The following ZMYM6 variants were observed in gnomAD, a reference collection of about 807,000 sequenced individuals.
The protein encoded by ZMYM6 is zinc finger MYM-type protein 6.
Under a neutral mutation model 134.0 loss-of-function variants are expected in ZMYM6, and 90 were observed. That is an observed-to-expected ratio of 0.67 (90% CI 0.57 to 0.80). The LOEUF (loss-of-function observed/expected upper bound fraction) is 0.80, where lower values mean the gene tolerates loss of function less well. Ranked by LOEUF, ZMYM6 falls within the 30% of genes least tolerant of loss-of-function variation. ZMYM6 has a pLI of 0.00. For synonymous variants in ZMYM6, 481 were observed against 524.1 expected, an observed-to-expected ratio of 0.92 and a Z score of 1.12; for missense variants, 1,362 against 1,533.9, an observed-to-expected ratio of 0.89 and a Z score of 1.87.
chr1:34,987,792 T>A lies in ZMYM6; in HGVS notation c.3290A>T (p.His1097Leu). Residue 1097 changes from histidine to leucine, a missense_variant, in exon 16 of 16, where the codon CAT becomes CTT. Around this residue, in one of 3 missense-constraint regions of ZMYM6, gnomAD observed 824 missense variants for 940.9 expected, o/e 0.88. Coordinates refer to ENST00000357182, the MANE Select transcript of ZMYM6 (RefSeq NM_007167.4). Reference protein sequence around the residue: ...HEIEIFLSQKHSDLAKYFHDE... With the variant: ...HEIEIFLSQKLSDLAKYFHDE... ...ATGAAAATACTTGGCCAAATCTGAA[T>A]GCTTTTGACTTAAAAATATTTCAAT... 6.4e-7 allele frequency: 1 copy of A among 1,551,406 alleles called. No individual in the cohort carries two copies.
chr1:34,996,552 A>G (rs968373927), intron 14 of ZMYM6, among the ~76,000 whole-genome samples: 5 of 152,200 alleles, frequency 3.3e-5, no homozygotes, highest in African/African-American at 1.2e-4. Context: ...GGGATAGTCT[A>G]TACATATATA....
rs2148440127 is a variant in ZMYM6 at position 34,987,755 on chromosome 1, C to A, written c.3327G>T (p.Trp1109Cys). ...CTGATAAGTAGGCCAGCTTTCCAAC[C>A]CATTCCTCATCATGAAAATACTTGG... ...DLAKYFHDEE[W>C]VGKLAYLSDI... The change falls in exon 16 of 16, where the codon TGG becomes TGT. Residue 1109 changes from tryptophan (W) to cysteine (C), a missense_variant. Trp to Cys is a radical substitution (Grantham distance 215, BLOSUM62 -2). Around this residue, in one of 3 missense-constraint regions of ZMYM6, gnomAD observed 824 missense variants for 940.9 expected, o/e 0.88. Transcript: ENST00000357182. 6.4e-7 allele frequency: 1 copy of A among 1,551,438 alleles called. No homozygotes were observed. The highest frequency in any genetic ancestry group is 2.4e-5 in the East Asian group (1 of 40,906).
Position 35,021,118 on chromosome 1 carries a change from A to T in ZMYM6, c.94-651T>A, listed in dbSNP as rs111701718. Among the ~76,000 whole-genome samples the T allele has an allele frequency of 8.5e-3, 1,179 of 139,324 alleles. 15 individuals carry two copies. Among genetic ancestry groups the T allele is most frequent in the African/African-American group, 0.029 (1,058 of 37,056 alleles). The allele number at this position is 139,324 out of a possible 152,430, so 91.4% of individuals were successfully genotyped here. A position where few individuals can be genotyped will look rare whatever the true frequency, so the allele number is the denominator to read the frequency against. The stretch of plus-strand genomic sequence containing the variant: ...AAGGGGGTAATAAATGAAAAAAAAA[A>T]TTTTTTTTTTTTTTTGACATGGAGT... On this transcript the variant is annotated intron_variant, in intron 2 of 15. Coordinates refer to ENST00000357182, the MANE Select transcript of ZMYM6 (RefSeq NM_007167.4).
At chr1:35,002,794 GC>G (rs1210729982) in intron 14 of ZMYM6, among the ~76,000 whole-genome samples, 2 of 152,046 alleles carry the variant, frequency 1.3e-5, no homozygotes, top group Non-Finnish European at 2.9e-5. Context: ...TTTAGCACTA[GC>G]ACCACCACTT....
In ZMYM6 at chr1:35,030,568, T is replaced by C; in HGVS notation, c.72A>G (p.Lys24=). Residue 24 remains lysine, a synonymous_variant, in exon 2 of 16, where the codon AAA becomes AAG. Coordinates refer to ENST00000357182, the MANE Select transcript of ZMYM6 (RefSeq NM_007167.4). ...TTACTTGAGCATTGTCTGGTTCTTC[T>C]TTAATTTTGTCCAGAAGCTCCTGCT... The part of the protein sequence containing the change: ...VPQQELLDKI[K]EEPDNAQEYG... 6.2e-7 allele frequency: 1 copy of C among 1,612,900 alleles called. No homozygotes were observed. The highest frequency in any genetic ancestry group is 8.5e-7 in the Non-Finnish European group (1 of 1,179,880).
intron 8 of ZMYM6, 94 bp from the exon 9 acceptor site, chr1:35,011,130 CACAA>C (rs2148453242): frequency 7.5e-7 from 1 of 1,340,450 alleles, no homozygotes; most frequent in Non-Finnish European, 1.0e-6. Context: ...TCAAGTCTCC[CACAA>C]ACATTTTTTA....
At chr1:35,007,127 C>A (rs1466445838) in intron 11 of ZMYM6, 29 bp from the exon 12 acceptor site, 1 of 1,562,308 alleles carries the variant, frequency 6.4e-7, no homozygotes, top group Non-Finnish European at 8.6e-7. Context: ...ACAAGATAGG[C>A]TTAAAACTAT....
chr1:35,012,306 AAGTC>A, intron 7 of ZMYM6, 121 bp downstream of exon 7: 1 of 924,586 alleles, frequency 1.1e-6, no homozygotes, highest in Non-Finnish European at 1.5e-6. Context: ...AGTTATTTAA[AAGTC>A]AGTCTTGGGT....
In ZMYM6 at chr1:34,987,486, C is replaced by T. The variant is rs186480444; in HGVS notation, c.3596G>A (p.Ser1199Asn). ...EHLEGLSQVFSDCFPPEQDLR... is the reference protein window; with the variant it reads ...EHLEGLSQVFNDCFPPEQDLR... The stretch of plus-strand genomic sequence containing the variant: ...GTCTTGTTCTGGTGGAAAACAGTCA[C>T]TGAACACTTGAGAAAGTCCTTCCAG... Residue 1199 changes from serine (S) to asparagine (N), a missense_variant, in exon 16 of 16, where the codon AGT becomes AAT. Physicochemically the swap from Ser to Asn is conservative, Grantham distance 46 (BLOSUM62 1). This residue lies in a region of ZMYM6 where 824 missense variants were observed against 940.9 expected (regional missense o/e 0.88). Coordinates refer to ENST00000357182, the MANE Select transcript of ZMYM6 (RefSeq NM_007167.4). 2 of 1,613,420 alleles carry T rather than the reference C, an allele frequency of 1.2e-6. No individual in the cohort carries two copies. Among genetic ancestry groups the T allele is most frequent in the African/African-American group, 1.3e-5 (1 of 75,038 alleles).
chr1:35,030,369 C>A (rs1641498662), intron 2 of ZMYM6, 178 bp downstream of exon 2: 1 of 584,738 alleles, frequency 1.7e-6, no homozygotes, highest in African/African-American at 1.9e-5. Context: ...GAGGTGGAGG[C>A]TGCAGTGAGC....
chr1:35,031,642 G>C (rs547059040), intron 1 of ZMYM6, 173 bp downstream of exon 1: 1 of 152,268 alleles, frequency 6.6e-6, no homozygotes, highest in Non-Finnish European at 1.5e-5. Flanking sequence ...AGGCAATGTG[G>C]TCTCCGACTG....
intron 12 of ZMYM6, among the ~76,000 whole-genome samples, 197 bp downstream of exon 12, chr1:35,006,754 T>A (rs1640987211): frequency 6.6e-6 from 1 of 152,232 alleles, no homozygotes; most frequent in African/African-American, 2.4e-5. Context: ...TTGGTGTGCT[T>A]GACTATCAGA....
At chr1:35,016,962 G>A (rs904630268) in intron 4 of ZMYM6, among the ~76,000 whole-genome samples, 10 of 151,210 alleles carry the variant, frequency 6.6e-5, no homozygotes, top group African/African-American at 2.2e-4. Flanking sequence ...CTGGGATCAC[G>A]CCACTGCACT....
At position 35,019,565 on chromosome 1, in the gene ZMYM6, T is replaced by C. The variant is rs765146633; in HGVS notation, c.216A>G (p.Ala72=). 5.0e-6 allele frequency: 8 copies of C among 1,603,732 alleles called. No homozygotes were observed. In the African/African-American group the frequency reaches 8.1e-5, roughly 16 times the overall value. The part of the protein sequence containing the change: ...QLNPGFQLSF[A]SSGPSVLLPS... ...GAAGCAACACACTTGGGCCAGATGA[T>C]GCAAAAGAAAGCTGAAAGCCTGGGT... Residue 72 remains alanine (A), a synonymous_variant, in exon 4 of 16, where the codon GCA becomes GCG. Transcript: ENST00000357182.
chr1:35,007,693 T>C (rs1436497349), intron 11 of ZMYM6, among the ~76,000 whole-genome samples: 9 of 152,016 alleles, frequency 5.9e-5, no homozygotes, highest in African/African-American at 2.2e-4. Flanking sequence ...CTCTCCTGGT[T>C]ACTCGGGAGG....
At chr1:34,994,295 C>T (rs184603452) in intron 14 of ZMYM6, among the ~76,000 whole-genome samples, 7 of 152,142 alleles carry the variant, frequency 4.6e-5, no homozygotes, top group Admixed American at 2.6e-4. Context: ...AATAAAGCAG[C>T]GTACAGGAAT....
intron 2 of ZMYM6, among the ~76,000 whole-genome samples, chr1:35,024,802 A>C (rs1470111973): frequency 6.6e-6 from 1 of 152,026 alleles, no homozygotes; most frequent in African/African-American, 2.4e-5. Flanking sequence ...ATATAGATTT[A>C]GGGCTCCTTC....
chr1:35,007,223 GTTCT>G, intron 11 of ZMYM6, 125 bp from the exon 12 acceptor site: 1 of 866,062 alleles, frequency 1.2e-6, no homozygotes, highest in South Asian at 3.1e-5. Flanking sequence ...AAAATGTAAG[GTTCT>G]TACCTTAAAA....
chr1:34,990,995 G>A (rs2148441880), intron 15 of ZMYM6, among the ~76,000 whole-genome samples: 1 of 152,302 alleles, frequency 6.6e-6, no homozygotes, highest in African/African-American at 2.4e-5. Flanking sequence ...CTCCTGAGTG[G>A]CTGGGATTAC....
Sources: gnomAD v4.1 joint callset for allele counts (sites outside exome capture counted in the v4.1 genomes callset) on GRCh38, gnomAD v4.1.1 for gene constraint, gnomAD v4.1.1 regional missense constraint, MANE v1.5 for transcripts, NCBI Gene and HGNC (gene_info 2026-07-23, HGNC 2026-07-21) for gene names.